Variants in FOXP1 observed in about 807,000 individuals in gnomAD.
FOXP1 encodes forkhead box protein P1.
FOXP1 carries 15 observed loss-of-function variants against 98.2 expected under a neutral mutation model. That is an observed-to-expected ratio of 0.15 (90% CI 0.10 to 0.24). FOXP1 has a LOEUF of 0.24. FOXP1 is among the 10% of genes least tolerant of loss of function. The probability of loss-of-function intolerance (pLI) is 1.00; values close to 1 mark genes in which losing one functional copy is unlikely to be tolerated. For synonymous variants in FOXP1, 371 were observed against 314.5 expected (o/e 1.18, Z -1.90); for missense variants, 633 against 848.5 (o/e 0.75, Z 3.15).
At chr3:71,526,804 C>A (rs577540936) in intron 2 of FOXP1, among the ~76,000 whole-genome samples, 5 of 152,092 alleles carry the variant, frequency 3.3e-5, no homozygotes, top group South Asian at 4.2e-4. Context: ...CCCATCTCTA[C>A]TAAAAATACA....
intron 7 of FOXP1, among the ~76,000 whole-genome samples, chr3:71,099,627 A>G (rs1218624875): frequency 2.0e-5 from 3 of 152,346 alleles, no homozygotes; most frequent in African/African-American, 2.4e-5. Flanking sequence ...AGGTGAGGTT[A>G]CCAGCCACAT....
At chr3:71,558,328 C>T (rs1004297459) in intron 2 of FOXP1, among the ~76,000 whole-genome samples, 4 of 152,140 alleles carry the variant, frequency 2.6e-5, no homozygotes, top group African/African-American at 9.7e-5. Context: ...CTACCCACCC[C>T]CAGAGGTGGA....
In FOXP1 at chr3:71,326,848, G is replaced by A. The variant is rs554069293; in HGVS notation, c.-72-26968C>T. On this transcript the variant is annotated intron_variant, in intron 4 of 20. Transcript: ENST00000649528. ...GTACAGAAAGGTCAAGATGAACTCC[G>A]GATGAACTGGTTTACTGCAGAATGA... 3.1e-4 allele frequency among the ~76,000 whole-genome samples: 47 copies of A among 152,252 alleles called. 1 individual carries two copies. In the South Asian group the frequency reaches 3.3e-3, roughly 11 times the overall value.
chr3:71,304,099 T>TAGTACCTA (rs2074078739), intron 4 of FOXP1, among the ~76,000 whole-genome samples: 1 of 152,210 alleles, frequency 6.6e-6, no homozygotes, highest in African/African-American at 2.4e-5. Context: ...CATCAGATCA[T>TAGTACCTA]AGTACCTAAC....
At chr3:71,224,095 G>C (rs750128067) in intron 5 of FOXP1, among the ~76,000 whole-genome samples, 2 of 152,220 alleles carry the variant, frequency 1.3e-5, no homozygotes, top group Non-Finnish European at 2.9e-5. Flanking sequence ...CATCTGTATA[G>C]TAAAAGAAGA....
chr3:71,148,262 A>C (rs2060409312), intron 6 of FOXP1, among the ~76,000 whole-genome samples: 1 of 152,162 alleles, frequency 6.6e-6, no homozygotes, highest in Non-Finnish European at 1.5e-5. Context: ...CTGTAATCCC[A>C]GATACTCAGG....
chr3:71,482,340 A>G (rs1251454912), intron 3 of FOXP1, among the ~76,000 whole-genome samples: 1 of 151,192 alleles, frequency 6.6e-6, no homozygotes, highest in Non-Finnish European at 1.5e-5. Flanking sequence ...AAATTAATAT[A>G]TAACACTATT....
intron 13 of FOXP1, among the ~76,000 whole-genome samples, chr3:70,996,851 C>T (rs7646530): frequency 8.4e-4 from 128 of 152,284 alleles, no homozygotes; most frequent in African/African-American, 3.1e-3. Context: ...CACTTACGTA[C>T]CATGCTGAAG....
intron 4 of FOXP1, among the ~76,000 whole-genome samples, chr3:71,308,904 G>A (rs2074493454): frequency 6.6e-6 from 1 of 151,696 alleles, no homozygotes; most frequent in Non-Finnish European, 1.5e-5. Flanking sequence ...AATATCCCTT[G>A]CCACTGGTGA....
At chr3:71,397,473 C>T (rs2081614255) in intron 3 of FOXP1, among the ~76,000 whole-genome samples, 1 of 152,200 alleles carries the variant, frequency 6.6e-6, no homozygotes, top group South Asian at 2.1e-4. Context: ...CAAATACTTT[C>T]CAAATGTACA....
chr3:71,414,295 TG>T (rs2083028007), intron 3 of FOXP1, among the ~76,000 whole-genome samples: 1 of 152,186 alleles, frequency 6.6e-6, no homozygotes, highest in Non-Finnish European at 1.5e-5. Flanking sequence ...AGGTTCCCAG[TG>T]CAACAAGGCC....
At chr3:71,199,896 T>A (rs1265620171) in intron 5 of FOXP1, among the ~76,000 whole-genome samples, 1 of 151,374 alleles carries the variant, frequency 6.6e-6, no homozygotes, top group Non-Finnish European at 1.5e-5. Flanking sequence ...GCCAATATGG[T>A]GAAACCCTGC....
At chr3:71,513,490 T>G (rs112690845) in intron 2 of FOXP1, among the ~76,000 whole-genome samples, 268 of 152,294 alleles carry the variant, frequency 1.8e-3, no homozygotes, top group Admixed American at 2.1e-3. Flanking sequence ...CCAAGCTTCC[T>G]AACAGGACTC....
intron 1 of FOXP1, 87 bp downstream of exon 1, chr3:71,583,484 G>A: frequency 1.0e-6 from 1 of 959,108 alleles, no homozygotes; most frequent in Non-Finnish European, 1.2e-6. Context: ...TTTTTGTGCT[G>A]GTTGTTGTTG....
chr3:71,392,505 A>T (rs1306170551), intron 3 of FOXP1, among the ~76,000 whole-genome samples: 1 of 152,272 alleles, frequency 6.6e-6, no homozygotes, highest in East Asian at 1.9e-4. Context: ...TCTATGCAGC[A>T]TAAATTTCAC....
chr3:70,972,460 C>A, intron 18 of FOXP1, 95 bp downstream of exon 18: 3 of 1,554,556 alleles, frequency 1.9e-6, no homozygotes, highest in Non-Finnish European at 2.7e-6. Flanking sequence ...GAAACCAGTT[C>A]TTTGGTCTAA....
intron 14 of FOXP1, among the ~76,000 whole-genome samples, chr3:70,979,940 C>T (rs1233657380): frequency 6.6e-6 from 1 of 151,836 alleles, no homozygotes; most frequent in Non-Finnish European, 1.5e-5. Context: ...ATGTTGTGAG[C>T]TTTGAGTTGT....
At chr3:71,268,846 G>A (rs1444514167) in intron 5 of FOXP1, among the ~76,000 whole-genome samples, 1 of 152,154 alleles carries the variant, frequency 6.6e-6, no homozygotes, top group East Asian at 1.9e-4. Context: ...CTATCACTGA[G>A]ATATTAAGAG....
intron 10 of FOXP1, among the ~76,000 whole-genome samples, chr3:71,041,996 T>A (rs1309632226): frequency 1.3e-5 from 2 of 152,248 alleles, no homozygotes; most frequent in Non-Finnish European, 2.9e-5. Flanking sequence ...ATATAGTTTT[T>A]ATTAATCACT....
Sources: allele counts gnomAD v4.1 joint callset (sites outside exome capture counted in the v4.1 genomes callset), GRCh38; gene constraint gnomAD v4.1.1; transcripts MANE v1.5; gene names NCBI Gene and HGNC (gene_info 2026-07-23, HGNC 2026-07-21).